The following PRKCE variants were observed in gnomAD, a reference collection of about 807,000 sequenced individuals.
PRKCE encodes the protein protein kinase C epsilon, also known as protein kinase C epsilon type.
Under a neutral mutation model 85.4 loss-of-function variants are expected in PRKCE, and 16 were observed. The ratio of observed to expected loss-of-function variants is 0.19; its 90% CI spans 0.13 to 0.28. The LOEUF is 0.28. Among genes scored for constraint, PRKCE ranks in the 10% least tolerant of loss-of-function variants. PRKCE has a pLI of 1.00. For synonymous variants in PRKCE, 388 were observed against 371.5 expected, an observed-to-expected ratio of 1.04 and a Z score of -0.51; for missense variants, 573 against 975.2, an observed-to-expected ratio of 0.59 and a Z score of 5.49.
intron 11 of PRKCE, among the ~76,000 whole-genome samples, chr2:46,105,734 C>A (rs531771883): frequency 6.6e-6 from 1 of 152,282 alleles, no homozygotes; most frequent in East Asian, 1.9e-4. Flanking sequence ...TGGTTAGCAT[C>A]ACATGGCCTT....
At chr2:45,705,040 A>T (rs894385219) in intron 1 of PRKCE, among the ~76,000 whole-genome samples, 2 of 152,240 alleles carry the variant, frequency 1.3e-5, no homozygotes, top group African/African-American at 2.4e-5. Flanking sequence ...GAGATAAAGC[A>T]GGTGGAGTAC....
chr2:45,902,336 G>T (rs1333570174), intron 2 of PRKCE, among the ~76,000 whole-genome samples: 1 of 152,140 alleles, frequency 6.6e-6, no homozygotes, highest in African/African-American at 2.4e-5. Context: ...CTGCCTATAA[G>T]CTCTTACCAA....
chr2:45,987,805 C>T (rs1375337777), intron 6 of PRKCE, among the ~76,000 whole-genome samples: 1 of 152,200 alleles, frequency 6.6e-6, no homozygotes, highest in African/African-American at 2.4e-5. Flanking sequence ...TTGCCTGCTT[C>T]CACTTATCTC....
chr2:45,677,108 C>G (rs1002599213), intron 1 of PRKCE: 2 of 150,742 alleles, frequency 1.3e-5, no homozygotes, highest in African/African-American at 2.4e-5. Flanking sequence ...GTGACTACTG[C>G]GAAGTACTGT....
At chr2:45,685,021 C>T (rs1677192147) in intron 1 of PRKCE, among the ~76,000 whole-genome samples, 1 of 152,190 alleles carries the variant, frequency 6.6e-6, no homozygotes, top group Non-Finnish European at 1.5e-5. Context: ...CCTCATGGCC[C>T]TTCTTTCACT....
At chr2:46,075,536 T>A (rs2103783994) in intron 10 of PRKCE, among the ~76,000 whole-genome samples, 1 of 151,764 alleles carries the variant, frequency 6.6e-6, no homozygotes, top group East Asian at 2.0e-4. Flanking sequence ...AGTCTAGGAG[T>A]TTGAGACCAG....
intron 3 of PRKCE, among the ~76,000 whole-genome samples, chr2:45,977,402 C>T (rs986784185): frequency 6.6e-6 from 1 of 151,838 alleles, no homozygotes; most frequent in African/African-American, 2.4e-5. Flanking sequence ...TTTGGGAGGC[C>T]GAGGCACGCA....
At chr2:46,000,106 G>A (rs1704545599) in intron 6 of PRKCE, among the ~76,000 whole-genome samples, 1 of 151,130 alleles carries the variant, frequency 6.6e-6, no homozygotes, top group Non-Finnish European at 1.5e-5. Context: ...GTCTAGTTCT[G>A]ATGTTTGCCT....
At chr2:45,927,759 C>G (rs568996348) in intron 2 of PRKCE, among the ~76,000 whole-genome samples, 1 of 152,314 alleles carries the variant, frequency 6.6e-6, no homozygotes, top group East Asian at 1.9e-4. Context: ...AATAGATAAA[C>G]ACATAATTGC....
intron 1 of PRKCE, among the ~76,000 whole-genome samples, chr2:45,679,074 A>G (rs1274486735): frequency 6.6e-6 from 1 of 152,170 alleles, no homozygotes; most frequent in African/African-American, 2.4e-5. Context: ...CAAATTTTCC[A>G]AAAGAATAGA....
At chr2:45,824,694 T>G (rs747823771) in intron 1 of PRKCE, among the ~76,000 whole-genome samples, 67 of 152,050 alleles carry the variant, frequency 4.4e-4, no homozygotes, top group Non-Finnish European at 3.2e-4. Context: ...TGGACCCTCA[T>G]GCCTCTACCA....
intron 2 of PRKCE, among the ~76,000 whole-genome samples, chr2:45,962,947 C>G (rs1701479175): frequency 6.6e-6 from 1 of 152,158 alleles, no homozygotes; most frequent in Non-Finnish European, 1.5e-5. Context: ...AACATAAAAA[C>G]TGGTAAGAAA....
At chr2:45,952,158 C>G (rs915535418) in intron 2 of PRKCE, among the ~76,000 whole-genome samples, 9 of 152,326 alleles carry the variant, frequency 5.9e-5, no homozygotes, top group Non-Finnish European at 1.2e-4. Flanking sequence ...AAGAGCCTGA[C>G]TCCTAGAATG....
At chr2:45,854,761 C>T (rs2105590523) in intron 2 of PRKCE, among the ~76,000 whole-genome samples, 1 of 152,288 alleles carries the variant, frequency 6.6e-6, no homozygotes, top group African/African-American at 2.4e-5. Context: ...GGCCAAAGAA[C>T]AGGAGCCTTA....
At chr2:46,077,885 T>C (rs1385503774) in intron 10 of PRKCE, 1 of 152,244 alleles carries the variant, frequency 6.6e-6, no homozygotes, top group East Asian at 1.9e-4. Flanking sequence ...AGTTCACACA[T>C]AGTCTGTCTA....
chr2:45,706,486 G>T (rs113785859), intron 1 of PRKCE, among the ~76,000 whole-genome samples: 269 of 152,310 alleles, frequency 1.8e-3, no homozygotes, highest in African/African-American at 5.9e-3. Context: ...AGCAGTGTTT[G>T]TCAACCAGTC....
chr2:46,115,637 TG>T (rs1672695753), intron 11 of PRKCE, among the ~76,000 whole-genome samples: 1 of 152,230 alleles, frequency 6.6e-6, no homozygotes, highest in Non-Finnish European at 1.5e-5. Flanking sequence ...AAGATCTCTA[TG>T]GGCATCAGTG....
chr2:45,665,792 G>C (rs1675883436), intron 1 of PRKCE, among the ~76,000 whole-genome samples: 1 of 152,116 alleles, frequency 6.6e-6, no homozygotes, highest in Non-Finnish European at 1.5e-5. Context: ...ATTTAGCTTG[G>C]CCTTCGATTT....
chr2:46,096,061 C>T lies in PRKCE; in HGVS notation c.1592+9699C>T, dbSNP rs115156840. Reference sequence around the variant, plus strand: ...ACTGTGTCAGGTCACCCTGTCCTCTCTGTTGCCAGTCACAGTTTTACATGG... The same window carrying T: ...ACTGTGTCAGGTCACCCTGTCCTCTTTGTTGCCAGTCACAGTTTTACATGG... On this transcript the variant is annotated intron_variant, in intron 11 of 14. Transcript: ENST00000306156. 7.2e-3 allele frequency among the ~76,000 whole-genome samples: 1,094 copies of T among 152,360 alleles called. 15 individuals are homozygous for T. Among genetic ancestry groups the T allele is most frequent in the African/African-American group, 0.025 (1,028 of 41,580 alleles).
Sources: gnomAD v4.1 joint callset for allele counts (sites outside exome capture counted in the v4.1 genomes callset) on GRCh38, gnomAD v4.1.1 for gene constraint, MANE v1.5 for transcripts, NCBI Gene and HGNC (gene_info 2026-07-23, HGNC 2026-07-21) for gene names.